The following PCDHGB2 variants were observed in gnomAD, a reference collection of about 807,000 sequenced individuals.
The protein encoded by PCDHGB2 is protocadherin gamma subfamily B, 2.
A neutral mutation model predicts 59.3 loss-of-function variants in PCDHGB2; 55 were observed. The ratio of observed to expected loss-of-function variants is 0.93; its 90% CI spans 0.75 to 1.16. The LOEUF (loss-of-function observed/expected upper bound fraction) is 1.16, where lower values mean the gene tolerates loss of function less well. Among genes scored for constraint, PCDHGB2 ranks in the 50% most tolerant of loss-of-function variants. The pLI is 0.00. For missense variants in PCDHGB2, 1,228 were observed against 1,198.5 expected (o/e 1.02, Z -0.36); for synonymous variants, 516 against 512.0 (o/e 1.01, Z -0.11).
Position 141,476,024 on chromosome 5 carries a change from C to T in PCDHGB2, c.2422-18783C>T. ...ATCCAGAAAGCCATGTCGGACTCGG[C>T]GCCCAGCGCCCAAGCGCTAACCCGC... On this transcript the variant is annotated intron_variant, in intron 1 of 3. Coordinates refer to ENST00000522605, the MANE Select transcript of PCDHGB2 (RefSeq NM_018923.3). The surrounding 1 kb of genome is among the most constrained non-coding windows in gnomAD (Gnocchi z 7.6). The T allele has an allele frequency of 1.4e-6, 2 of 1,416,548 alleles. No individual in the cohort carries two copies. Among genetic ancestry groups the T allele is most frequent in the Non-Finnish European group, 9.5e-7 (1 of 1,058,066 alleles). 87.7% of individuals were successfully genotyped at this position (1,416,548 alleles called of 1,614,324 possible).
At chr5:141,392,559 A>T in intron 1 of PCDHGB2, 2 of 384,544 alleles carry the variant, frequency 5.2e-6, no homozygotes, top group Non-Finnish European at 4.6e-6. Context: ...ATCTCAGTGC[A>T]GTAACTATTT....
At chr5:141,500,947 C>T (rs933082173) in intron 2 of PCDHGB2, among the ~76,000 whole-genome samples, 15 of 151,822 alleles carry the variant, frequency 9.9e-5, no homozygotes, top group African/African-American at 3.6e-4. Context: ...CGGCTCACTG[C>T]AAGCTCCACC....
At chr5:141,376,059 C>T (rs761483041) in intron 1 of PCDHGB2, 2 of 1,613,398 alleles carry the variant, frequency 1.2e-6, no homozygotes, top group South Asian at 1.1e-5. Flanking sequence ...GCCACTGTCA[C>T]GCTCACCGTG....
chr5:141,491,232 G>C lies in PCDHGB2; in HGVS notation c.2422-3575G>C. The C allele has an allele frequency of 6.2e-7, 1 of 1,614,220 alleles. No individual in the cohort carries two copies. Among genetic ancestry groups the C allele is most frequent in the Non-Finnish European group, 8.5e-7 (1 of 1,180,034 alleles). On this transcript the variant is annotated intron_variant, in intron 1 of 3. Coordinates refer to ENST00000522605, the MANE Select transcript of PCDHGB2 (RefSeq NM_018923.3). The surrounding 1 kb of genome is among the most constrained non-coding windows in gnomAD (Gnocchi z 6.9). ...TCTCCTCCACAGCCACAGTGCTGCT[G>C]GTTCTGGAGGATGAGGACCCTGAGG... is the stretch of plus-strand genomic sequence containing the variant.
At chr5:141,403,591 G>C in intron 1 of PCDHGB2, 2 of 1,613,836 alleles carry the variant, frequency 1.2e-6, no homozygotes, top group South Asian at 1.1e-5. Flanking sequence ...TGGTCCTCAC[G>C]GCCTCGGATG....
At position 141,360,209 on chromosome 5, in the gene PCDHGB2, TC is replaced by T. The variant is rs774225150; in HGVS notation, c.78del (p.Ala28LeufsTer20). The stretch of plus-strand genomic sequence containing the variant: ...CTGTTGCCCTTCCTGTTGTCTTTGT[TC>T]CCCGGGGCTCTCCCAGTCCAGATCC... ...QVLLPFLLSL[F>X]PGALPVQIRY... On this transcript the variant is annotated frameshift_variant, in exon 1 of 4. Transcript: ENST00000522605. LOFTEE classifies it high-confidence loss of function. The T allele has an allele frequency of 6.2e-6, 10 of 1,613,002 alleles. No individual in the cohort carries two copies. In the South Asian group the frequency reaches 6.6e-5, roughly 11 times the overall value.
intron 1 of PCDHGB2, chr5:141,375,430 G>C: frequency 6.2e-7 from 1 of 1,613,848 alleles, no homozygotes; most frequent in Non-Finnish European, 8.5e-7. Flanking sequence ...ACGACAACCC[G>C]CCCACCTTCC....
At chr5:141,430,661 G>A in intron 1 of PCDHGB2, 1 of 1,159,744 alleles carries the variant, frequency 8.6e-7, no homozygotes, top group South Asian at 2.1e-5. Context: ...CAACGGAGGA[G>A]CTCTGACTTC....
intron 1 of PCDHGB2, chr5:141,428,009 A>G (rs778602169): frequency 3.7e-6 from 6 of 1,602,358 alleles, no homozygotes; most frequent in African/African-American, 2.7e-5. Context: ...TCTTCGATAT[A>G]GTGCCACGCG....
At chr5:141,418,778 T>A (rs1256260275) in intron 1 of PCDHGB2, 1 of 1,613,626 alleles carries the variant, frequency 6.2e-7, no homozygotes, top group East Asian at 2.2e-5. Flanking sequence ...TCAGCAGCCT[T>A]TGGATTTTGA....
intron 2 of PCDHGB2, among the ~76,000 whole-genome samples, chr5:141,500,948 A>G (rs1055841985): frequency 1.8e-4 from 28 of 151,592 alleles, no homozygotes; most frequent in Non-Finnish European, 4.4e-5. Context: ...GGCTCACTGC[A>G]AGCTCCACCT....
At chr5:141,374,350 G>C (rs2150038987) in intron 1 of PCDHGB2, 1 of 1,614,038 alleles carries the variant, frequency 6.2e-7, no homozygotes, top group Non-Finnish European at 8.5e-7. Context: ...CCGCGGGTAG[G>C]ATAGACCGCG....
chr5:141,468,433 A>G (rs2099167290), intron 1 of PCDHGB2: 1 of 152,202 alleles, frequency 6.6e-6, no homozygotes, highest in Non-Finnish European at 1.5e-5. Context: ...GGTAATAGCA[A>G]AATGTGGGTG....
At chr5:141,384,012 A>G in intron 1 of PCDHGB2, 1 of 1,613,830 alleles carries the variant, frequency 6.2e-7, no homozygotes, top group Non-Finnish European at 8.5e-7. Flanking sequence ...TTTTCTACCT[A>G]CAAGACAGAG....
intron 1 of PCDHGB2, chr5:141,400,317 G>A: frequency 6.2e-7 from 1 of 1,614,078 alleles, no homozygotes; most frequent in Middle Eastern, 1.6e-4. Flanking sequence ...TCTGTGTCAA[G>A]TCTGGACCTG....
At position 141,362,149 on chromosome 5, in the gene PCDHGB2, T is replaced by G. The variant is rs759063405; in HGVS notation, c.2014T>G (p.Leu672Val). 1.2e-6 allele frequency: 2 copies of G among 1,614,036 alleles called. No homozygotes were observed. Among genetic ancestry groups the G allele is most frequent in the South Asian group, 2.2e-5 (2 of 91,088 alleles). ...CTTCGCGGATAGCCTGCAAGAGGTATTGCCAGACCTCAGCGACCGCCGGGA... is the reference window on the plus strand; with the variant it reads ...CTTCGCGGATAGCCTGCAAGAGGTAGTGCCAGACCTCAGCGACCGCCGGGA... Reference protein sequence around the residue: ...LIFADSLQEVLPDLSDRREPS... With the variant: ...LIFADSLQEVVPDLSDRREPS... The change falls in exon 1 of 4, where the codon TTG (leucine) becomes GTG (valine). Residue 672 changes from leucine (L) to valine (V), a missense_variant. Transcript: ENST00000522605.
chr5:141,491,312 C>T lies in PCDHGB2; in HGVS notation c.2422-3495C>T, dbSNP rs749198887. The stretch of plus-strand genomic sequence containing the variant: ...CACCCTCCTGAGCGTTCAGACCTTA[C>T]CCTTTACCTCATTGTGGCTCTAGCG... On this transcript the variant is annotated intron_variant, in intron 1 of 3. Transcript: ENST00000522605. The surrounding 1 kb of genome is among the most constrained non-coding windows in gnomAD (Gnocchi z 6.9). 3 of 1,614,170 alleles carry T rather than the reference C, an allele frequency of 1.9e-6. No individual in the cohort carries two copies. Among genetic ancestry groups the T allele is most frequent in the East Asian group, 4.5e-5 (2 of 44,878 alleles).
At position 141,491,613 on chromosome 5, in the gene PCDHGB2, A is replaced by AC; in HGVS notation, c.2422-3190dup. On this transcript the variant is annotated intron_variant, in intron 1 of 3. Coordinates refer to ENST00000522605, the MANE Select transcript of PCDHGB2 (RefSeq NM_018923.3). The surrounding 1 kb of genome is among the most constrained non-coding windows in gnomAD (Gnocchi z 6.9). Reference sequence around the variant, plus strand: ...ACGGCAGTGACTTCACTTTTCTAAGACCCCTCAGCGTTCAGCAGCCCACAG... The same window carrying AC: ...ACGGCAGTGACTTCACTTTTCTAAGACCCCCTCAGCGTTCAGCAGCCCACAG... 6.2e-7 allele frequency: 1 copy of AC among 1,613,568 alleles called. No homozygotes were observed. Among genetic ancestry groups the AC allele is most frequent in the Non-Finnish European group, 8.5e-7 (1 of 1,179,968 alleles).
At chr5:141,430,902 T>C (rs373775073) in intron 1 of PCDHGB2, 4 of 1,606,232 alleles carry the variant, frequency 2.5e-6, no homozygotes, top group Admixed American at 3.4e-5. Context: ...GTGGGCGACA[T>C]CTCCAGGGAC....
Sources: gnomAD v4.1 joint callset for allele counts (sites outside exome capture counted in the v4.1 genomes callset) on GRCh38, gnomAD v4.1.1 for gene constraint, Gnocchi (gnomAD v3.1) non-coding constraint, MANE v1.5 for transcripts, NCBI Gene and HGNC (gene_info 2026-07-23, HGNC 2026-07-21) for gene names.